VTI1B: variants seen among roughly 807,000 people sequenced by gnomAD.
VTI1B encodes vesicle transport through interaction with t-SNAREs 1B.
A neutral mutation model predicts 28.6 loss-of-function variants in VTI1B; 18 were observed. The ratio of observed to expected loss-of-function variants is 0.63; its 90% CI spans 0.43 to 0.93. VTI1B has a LOEUF of 0.93. Ranked by LOEUF, VTI1B falls within the 40% of genes least tolerant of loss-of-function variation. The pLI is 0.00. For missense variants in VTI1B, 283 were observed against 297.0 expected (o/e 0.95, Z 0.35); for synonymous variants, 100 against 107.9 (o/e 0.93, Z 0.46).
At position 67,648,404 on chromosome 14, in the gene VTI1B, G is replaced by A; in HGVS notation, c.*2981C>T. 2.5e-6 allele frequency: 1 copy of A among 405,232 alleles called. No homozygotes were observed. Among genetic ancestry groups the A allele is most frequent in the Non-Finnish European group, 4.3e-6 (1 of 230,682 alleles). The allele number at this position is 405,232 out of a possible 1,614,324, so 25.1% of individuals were successfully genotyped here. ...TACCAAATTACACTAAGGTAATAAT[G>A]AGTAAAAAATTGTATATTTAAACAA... On this transcript the variant is annotated 3_prime_UTR_variant, in exon 6 of 6. Transcript: ENST00000554659.
In VTI1B at chr14:67,674,483, A is replaced by T; in HGVS notation, c.7T>A (p.Ser3Thr). The T allele has an allele frequency of 3.1e-6, 5 of 1,604,030 alleles. No individual in the cohort carries two copies. The highest frequency in any genetic ancestry group is 4.2e-6 in the Non-Finnish European group (5 of 1,176,580). MA[S>T]SAASSEHFEK... is the part of the protein sequence containing the mutation. Reference sequence around the variant, plus strand: ...AAATGCTCCGAGGAGGCGGCGGAGGAGGCCATGGCGCAGGCCGCGCTGGAG... The same window carrying T: ...AAATGCTCCGAGGAGGCGGCGGAGGTGGCCATGGCGCAGGCCGCGCTGGAG... Residue 3 changes from serine to threonine, a missense_variant, in exon 1 of 6, where the codon TCC becomes ACC. By Grantham distance (58) the Ser-to-Thr change is moderately conservative (BLOSUM62 1). Coordinates refer to ENST00000554659, the MANE Select transcript of VTI1B (RefSeq NM_006370.3).
intron 1 of VTI1B, among the ~76,000 whole-genome samples, chr14:67,668,501 C>T (rs1325132276): frequency 3.3e-5 from 5 of 152,158 alleles, no homozygotes; most frequent in African/African-American, 9.7e-5. Context: ...GGAATATACC[C>T]ATTTTTAAAG....
At chr14:67,664,254 T>G (rs1426627072) in intron 1 of VTI1B, among the ~76,000 whole-genome samples, 1 of 152,318 alleles carries the variant, frequency 6.6e-6, no homozygotes, top group East Asian at 1.9e-4. Flanking sequence ...AACTTGTTTA[T>G]CCTCTCAAAC....
chr14:67,662,712 TG>T (rs2037353004), intron 1 of VTI1B, among the ~76,000 whole-genome samples, 177 bp from the exon 2 acceptor site: 1 of 152,128 alleles, frequency 6.6e-6, no homozygotes, highest in Non-Finnish European at 1.5e-5. Context: ...AAGACCACCC[TG>T]GCCAACCTGG....
intron 2 of VTI1B, among the ~76,000 whole-genome samples, chr14:67,661,935 T>A (rs1442326655): frequency 6.6e-6 from 1 of 151,870 alleles, no homozygotes; most frequent in Non-Finnish European, 1.5e-5. Flanking sequence ...GGCGGGCAGA[T>A]CATGAGGTCA....
rs118014660 is a variant in VTI1B, at chr14:67,650,367, G to A, written c.*1018C>T. 51 of 301,020 alleles carry A rather than the reference G, an allele frequency of 1.7e-4. No individual in the cohort carries two copies. Among genetic ancestry groups the A allele is most frequent in the African/African-American group, 1.1e-3 (49 of 46,284 alleles). 18.6% of individuals were successfully genotyped at this position (301,020 alleles called of 1,614,324 possible). A position where few individuals can be genotyped will look rare whatever the true frequency, so the allele number is the denominator to read the frequency against. ...TGGAAGGTTCCTAGTCATACTGGAG[G>A]TGGCATACATTTTGCCAACAAGCAG... On this transcript the variant is annotated 3_prime_UTR_variant, in exon 6 of 6. Coordinates refer to ENST00000554659, the MANE Select transcript of VTI1B (RefSeq NM_006370.3).
chr14:67,662,907 A>C, intron 1 of VTI1B: 1 of 1,153,032 alleles, frequency 8.7e-7, no homozygotes, highest in Non-Finnish European at 1.1e-6. Flanking sequence ...TGTCTCAAAA[A>C]AAAAAAAAAA....
At position 67,649,106 on chromosome 14, in the gene VTI1B, G is replaced by A. The variant is rs960638920; in HGVS notation, c.*2279C>T. On this transcript the variant is annotated 3_prime_UTR_variant, in exon 6 of 6. Coordinates refer to ENST00000554659, the MANE Select transcript of VTI1B (RefSeq NM_006370.3). ...CTTAGGTTATTGGCCAGAGAACTTG[G>A]GGGTTCAATTCTCTGCTTTGCTTCC... 2.3e-4 allele frequency: 35 copies of A among 152,164 alleles called. No individual in the cohort carries two copies. Among genetic ancestry groups the A allele is most frequent in the African/African-American group, 8.4e-4 (35 of 41,426 alleles). The allele number at this position is 152,164 out of a possible 1,614,324, so 9.4% of individuals were successfully genotyped here. A position where few individuals can be genotyped will look rare whatever the true frequency, so the allele number is the denominator to read the frequency against.
rs527930454 is a variant in VTI1B at position 67,647,296 on chromosome 14, C to T, written c.*4089G>A. ...AATGCTTATCTTCTGAGATGACAAGCATTTATTGTTTCAACTGTCCCATTC... is the reference window on the plus strand; with the variant it reads ...AATGCTTATCTTCTGAGATGACAAGTATTTATTGTTTCAACTGTCCCATTC... On this transcript the variant is annotated 3_prime_UTR_variant, in exon 6 of 6. Coordinates refer to ENST00000554659, the MANE Select transcript of VTI1B (RefSeq NM_006370.3). 1 of 331,270 alleles carries T rather than the reference C, an allele frequency of 3.0e-6. No homozygotes were observed. The highest frequency in any genetic ancestry group is 5.6e-5 in the East Asian group (1 of 17,858). The allele number at this position is 331,270 out of a possible 1,614,324, so 20.5% of individuals were successfully genotyped here.
At chr14:67,658,649 G>A (rs1366194220) in intron 3 of VTI1B, among the ~76,000 whole-genome samples, 2 of 152,192 alleles carry the variant, frequency 1.3e-5, no homozygotes, top group Non-Finnish European at 2.9e-5. Flanking sequence ...AAAATTGTTT[G>A]GACTTCCTCC....
At chr14:67,660,482 C>A (rs1594837504) in intron 2 of VTI1B, among the ~76,000 whole-genome samples, 2 of 152,222 alleles carry the variant, frequency 1.3e-5, no homozygotes, top group African/African-American at 2.4e-5. Flanking sequence ...CTTCAATATA[C>A]CAAGTTTTTA....
intron 2 of VTI1B, among the ~76,000 whole-genome samples, chr14:67,660,944 C>T (rs1384040875): frequency 1.3e-5 from 2 of 152,180 alleles, no homozygotes; most frequent in African/African-American, 4.8e-5. Context: ...GCTCCCAGTA[C>T]TCCCATTAGG....
At chr14:67,664,755 T>G (rs1398363464) in intron 1 of VTI1B, among the ~76,000 whole-genome samples, 3 of 152,194 alleles carry the variant, frequency 2.0e-5, no homozygotes, top group Non-Finnish European at 4.4e-5. Context: ...CACCTCAGCC[T>G]TTCCGCTGCA....
Position 67,656,485 on chromosome 14 carries a change from G to A in VTI1B, c.471C>T (p.Asp157=). ...CTTCTATGATTTCTGAGCCAATCTG[G>A]TCAGTCTCTGTGGCAATCCGATGAG... is the stretch of plus-strand genomic sequence containing the variant. The part of the protein sequence containing the change: ...ERSHRIATET[D]QIGSEIIEEL... Residue 157 remains aspartate (D), a synonymous_variant, in exon 4 of 6, where the codon GAC becomes GAT. Transcript: ENST00000554659. The A allele has an allele frequency of 6.2e-7, 1 of 1,613,754 alleles. No individual in the cohort carries two copies. Among genetic ancestry groups the A allele is most frequent in the African/African-American group, 1.3e-5 (1 of 75,010 alleles).
chr14:67,651,876 C>A (rs895977453), intron 5 of VTI1B, among the ~76,000 whole-genome samples: 1 of 152,196 alleles, frequency 6.6e-6, no homozygotes, highest in Non-Finnish European at 1.5e-5. Context: ...CCCTTGTAAA[C>A]TTCTTCCCTC....
At chr14:67,658,360 C>T (rs999770923) in intron 3 of VTI1B, among the ~76,000 whole-genome samples, 2 of 151,954 alleles carry the variant, frequency 1.3e-5, no homozygotes, top group East Asian at 3.9e-4. Flanking sequence ...TTTGGGAGGC[C>T]GAGACGGGTG....
chr14:67,674,104 G>A (rs980344127), intron 1 of VTI1B, among the ~76,000 whole-genome samples: 1 of 152,220 alleles, frequency 6.6e-6, no homozygotes, highest in Non-Finnish European at 1.5e-5. Flanking sequence ...GACCGCAGAT[G>A]CAAAAGCCCC....
At chr14:67,661,738 C>T (rs996836215) in intron 2 of VTI1B, among the ~76,000 whole-genome samples, 4 of 151,762 alleles carry the variant, frequency 2.6e-5, no homozygotes, top group Non-Finnish European at 5.9e-5. Context: ...CTCCCTATGT[C>T]GCCCAGGCTG....
At chr14:67,652,668 T>C (rs2037199703) in intron 5 of VTI1B, 1 of 152,206 alleles carries the variant, frequency 6.6e-6, no homozygotes, top group Non-Finnish European at 1.5e-5. Flanking sequence ...GTTTTATTTT[T>C]AAAAGTCTAC....
Sources: gnomAD v4.1 joint callset for allele counts (sites outside exome capture counted in the v4.1 genomes callset) on GRCh38, gnomAD v4.1.1 for gene constraint, MANE v1.5 for transcripts, NCBI Gene and HGNC (gene_info 2026-07-23, HGNC 2026-07-21) for gene names.